LY6S: variants seen among roughly 807,000 people sequenced by gnomAD.
LY6S encodes lymphocyte antigen 6S.
chr8:143,050,980 C>T, the LY6S span, among the ~76,000 whole-genome samples: 10 of 152,228 alleles, frequency 6.6e-5, no homozygotes, highest in African/African-American at 2.2e-4. Context: ...CCTTGTCCCT[C>T]GTGCACACAC....
At chr8:143,072,924 G>T in the LY6S span, among the ~76,000 whole-genome samples, 8 of 96,506 alleles carry the variant, frequency 8.3e-5, no homozygotes, top group East Asian at 6.0e-4. Context: ...CGTCATCCCC[G>T]GGGTTCCTGT....
At chr8:143,060,530 T>A in the LY6S span, among the ~76,000 whole-genome samples, 2 of 152,182 alleles carry the variant, frequency 1.3e-5, no homozygotes, top group African/African-American at 2.4e-5. Flanking sequence ...GGCTACCAAA[T>A]AGGGAAGGGC....
At chr8:143,065,820 T>TTTCTTTCTTTCTTTCTTTCTTTCTTTCC in the LY6S span, 3 of 143,114 alleles carry the variant, frequency 2.1e-5, no homozygotes, top group African/African-American at 5.6e-5. Context: ...TCTTTCTTTC[T>TTTCTTTCTTTCTTTCTTTCTTTCTTTCC]TTCCTTCCTT....
chr8:143,068,155 G>A, the LY6S span, among the ~76,000 whole-genome samples: 487 of 152,330 alleles, frequency 3.2e-3, 3 homozygotes, highest in Non-Finnish European at 5.4e-3. Flanking sequence ...AGGTCCCTGC[G>A]GCTTTCCGCA....
chr8:143,045,662 C>G, the LY6S span, among the ~76,000 whole-genome samples: 6 of 152,302 alleles, frequency 3.9e-5, no homozygotes, highest in Non-Finnish European at 4.4e-5. This position sits in a 1 kb window ranked among gnomAD's most constrained non-coding sequence, Gnocchi z 5.3. Flanking sequence ...TCACTTTCCT[C>G]CCTCTGGCTG....
the LY6S span, among the ~76,000 whole-genome samples, chr8:143,055,518 A>T: frequency 6.6e-6 from 1 of 152,190 alleles, no homozygotes; most frequent in African/African-American, 2.4e-5. Flanking sequence ...CTTTTAAAAA[A>T]CCTTGGCTCA....
chr8:143,046,589 A>AG, the LY6S span, among the ~76,000 whole-genome samples: 1 of 151,982 alleles, frequency 6.6e-6, no homozygotes, highest in African/African-American at 2.4e-5. Context: ...AAAAAAAAAA[A>AG]AAAAAATGAG....
chr8:143,054,857 CTGAA>C, the LY6S span, among the ~76,000 whole-genome samples: 1 of 152,312 alleles, frequency 6.6e-6, no homozygotes, highest in South Asian at 2.1e-4. Context: ...TCTTGGGAGA[CTGAA>C]TGGCCCTCCA....
At chr8:143,045,241 C>G in the LY6S span, among the ~76,000 whole-genome samples, 1 of 152,152 alleles carries the variant, frequency 6.6e-6, no homozygotes, top group Admixed American at 6.5e-5. This position sits in a 1 kb window ranked among gnomAD's most constrained non-coding sequence, Gnocchi z 5.3. Flanking sequence ...AGCAGGAGTG[C>G]GCTGGAACAA....
the LY6S span, among the ~76,000 whole-genome samples, chr8:143,045,463 T>G: frequency 3.9e-5 from 6 of 152,084 alleles, no homozygotes; most frequent in Non-Finnish European, 8.8e-5. The surrounding 1 kb of genome is among the most constrained non-coding windows in gnomAD (Gnocchi z 5.3). Context: ...AACATCCGGC[T>G]CTCCATCTCC....
At chr8:143,060,491 G>A in the LY6S span, among the ~76,000 whole-genome samples, 1,819 of 152,182 alleles carry the variant, frequency 0.012, 39 homozygotes, top group African/African-American at 0.041. Context: ...AAATAATGAC[G>A]TAAGCTGTCC....
At chr8:143,049,508 G>T in the LY6S span, among the ~76,000 whole-genome samples, 77 of 152,204 alleles carry the variant, frequency 5.1e-4, no homozygotes, top group Non-Finnish European at 9.7e-4. Context: ...TGCAGCACCT[G>T]CAGGCTAAAA....
At chr8:143,049,160 G>A in the LY6S span, 2 of 534,582 alleles carry the variant, frequency 3.7e-6, no homozygotes, top group East Asian at 1.1e-4. Flanking sequence ...GCTTGGCTCG[G>A]GGACACCTGT....
the LY6S span, among the ~76,000 whole-genome samples, chr8:143,069,144 C>T: frequency 1.3e-5 from 2 of 152,196 alleles, no homozygotes; most frequent in African/African-American, 4.8e-5. Flanking sequence ...TCTCTCATCT[C>T]TTACGTCTCC....
At chr8:143,066,148 A>ATTTTCTTTTCT in the LY6S span, 10 of 253,434 alleles carry the variant, frequency 3.9e-5, no homozygotes, top group Non-Finnish European at 6.5e-5. Flanking sequence ...CCAATGATGA[A>ATTTTCTTTTCT]TTTCTTTTCT....
the LY6S span, among the ~76,000 whole-genome samples, chr8:143,070,456 A>G: frequency 2.3e-5 from 1 of 43,414 alleles, no homozygotes; most frequent in African/African-American, 7.5e-5. Context: ...GTATATATAT[A>G]TATATATAAT....
At chr8:143,044,531 C>CGA in the LY6S span, 1 of 112,888 alleles carries the variant, frequency 8.9e-6, no homozygotes, top group Non-Finnish European at 1.7e-5. Context: ...GCCCGCCATG[C>CGA]CCACCCCACC....
the LY6S span, among the ~76,000 whole-genome samples, chr8:143,069,080 C>A: frequency 3.9e-5 from 6 of 152,136 alleles, no homozygotes; most frequent in African/African-American, 1.4e-4. Context: ...ACCAAGGAAG[C>A]GAGCTGGCCC....
chr8:143,070,030 C>T, the LY6S span, among the ~76,000 whole-genome samples: 2 of 152,072 alleles, frequency 1.3e-5, no homozygotes, highest in African/African-American at 4.8e-5. Flanking sequence ...TGGATTCTGT[C>T]GCTGTCCTGG....
Sources: allele counts gnomAD v4.1 joint callset (sites outside exome capture counted in the v4.1 genomes callset), GRCh38; gene constraint gnomAD v4.1.1; non-coding constraint Gnocchi (gnomAD v3.1); transcripts MANE v1.5; gene names NCBI Gene and HGNC (gene_info 2026-07-23, HGNC 2026-07-21).